The following ATXN2 variants were observed in gnomAD, a reference collection of about 807,000 sequenced individuals.
The protein encoded by ATXN2 is ataxin-2.
Under a neutral mutation model 138.6 loss-of-function variants are expected in ATXN2, and 37 were observed. That is an observed-to-expected ratio of 0.27 (90% CI 0.21 to 0.35). The LOEUF (loss-of-function observed/expected upper bound fraction) is 0.35. Ranked by LOEUF, ATXN2 falls within the 10% of genes least tolerant of loss-of-function variation. The pLI is 1.00. For synonymous variants in ATXN2, 549 were observed against 543.7 expected (o/e 1.01, Z -0.13); for missense variants, 1,216 against 1,480.3 (o/e 0.82, Z 2.93).
intron 1 of ATXN2, among the ~76,000 whole-genome samples, chr12:111,574,735 TTTC>T (rs1334843634): frequency 1.3e-5 from 2 of 152,142 alleles, no homozygotes; most frequent in African/African-American, 4.8e-5. Flanking sequence ...AATTCCTCAT[TTTC>T]TTTTCCGTTT....
chr12:111,551,036 T>G (rs922277740), intron 5 of ATXN2, among the ~76,000 whole-genome samples: 2 of 152,176 alleles, frequency 1.3e-5, no homozygotes, highest in East Asian at 1.9e-4. Context: ...CAGTGGCTCA[T>G]GCCTGTAATT....
chr12:111,505,106 C>T (rs1432599038), intron 14 of ATXN2, among the ~76,000 whole-genome samples: 1 of 152,068 alleles, frequency 6.6e-6, no homozygotes, highest in Non-Finnish European at 1.5e-5. Flanking sequence ...TGGTGCACAC[C>T]TGTAGTACCA....
intron 5 of ATXN2, among the ~76,000 whole-genome samples, chr12:111,531,348 G>C (rs1413617316): frequency 1.3e-5 from 2 of 152,154 alleles, no homozygotes; most frequent in Non-Finnish European, 2.9e-5. Flanking sequence ...TGAATTGCTT[G>C]AACTACTAGG....
At chr12:111,561,117 G>A (rs1251469809) in intron 1 of ATXN2, among the ~76,000 whole-genome samples, 12 of 151,942 alleles carry the variant, frequency 7.9e-5, no homozygotes, top group Admixed American at 5.2e-4. Flanking sequence ...CTTGGGAGGC[G>A]GAGCTTGCAG....
chr12:111,588,645 T>G (rs536077887), intron 1 of ATXN2, among the ~76,000 whole-genome samples: 53 of 143,056 alleles, frequency 3.7e-4, no homozygotes, highest in African/African-American at 1.2e-3. Context: ...AAAAAAAAAG[T>G]TAAGGTTAAC....
At chr12:111,465,416 G>A (rs2030190977) in intron 20 of ATXN2, among the ~76,000 whole-genome samples, 1 of 151,822 alleles carries the variant, frequency 6.6e-6, no homozygotes, top group Non-Finnish European at 1.5e-5. Context: ...CGGAAAAGTT[G>A]TATTATTACT....
intron 23 of ATXN2, chr12:111,455,399 C>T: frequency 1.2e-5 from 5 of 411,682 alleles, no homozygotes; most frequent in Admixed American, 3.7e-5. Context: ...GCAGCTTACA[C>T]TGGAGGTGAG....
chr12:111,599,401 G>C (rs1259513091), upstream of ATXN2: 67 of 1,168,666 alleles, frequency 5.7e-5, no homozygotes, highest in Middle Eastern at 3.5e-4. Context: ...CGCCCCGCCC[G>C]CTCCGCCGCG....
chr12:111,595,192 A>C (rs1412171667), intron 1 of ATXN2, among the ~76,000 whole-genome samples: 2 of 152,208 alleles, frequency 1.3e-5, no homozygotes, highest in Non-Finnish European at 2.9e-5. Context: ...AAGAGCCATA[A>C]AAATCCTGAA....
chr12:111,576,949 C>T (rs541755056), intron 1 of ATXN2, among the ~76,000 whole-genome samples: 2 of 151,874 alleles, frequency 1.3e-5, no homozygotes, highest in Non-Finnish European at 2.9e-5. Flanking sequence ...CAGAGCGAGA[C>T]TCCGTCTCCA....
chr12:111,487,385 C>T (rs1877714648), intron 15 of ATXN2, among the ~76,000 whole-genome samples: 2 of 152,080 alleles, frequency 1.3e-5, no homozygotes, highest in Non-Finnish European at 2.9e-5. Context: ...TCAACAAACA[C>T]TTGAGCTGAA....
intron 5 of ATXN2, among the ~76,000 whole-genome samples, chr12:111,540,200 A>C (rs966956675): frequency 6.6e-6 from 1 of 150,478 alleles, no homozygotes; most frequent in African/African-American, 2.4e-5. Flanking sequence ...ACTAGTTTTA[A>C]TATATCTGCA....
At chr12:111,539,761 T>G (rs1030873317) in intron 5 of ATXN2, among the ~76,000 whole-genome samples, 8 of 147,046 alleles carry the variant, frequency 5.4e-5, no homozygotes, top group Non-Finnish European at 7.6e-5. Flanking sequence ...AAATAAAAAA[T>G]AAAAATAAAA....
At position 111,581,830 on chromosome 12, in the gene ATXN2, T is replaced by C. The variant is rs549443992; in HGVS notation, c.251+16954A>G. The C allele has an allele frequency of 1.7e-4, 68 of 395,670 alleles. 1 individual carries two copies. Among genetic ancestry groups the C allele is most frequent in the Admixed American group, 5.0e-4 (14 of 27,742 alleles). 24.5% of individuals were successfully genotyped at this position (395,670 alleles called of 1,614,324 possible). A position where few individuals can be genotyped will look rare whatever the true frequency, so the allele number is the denominator to read the frequency against. ...AGCTCTGCCCGTGATCTGATTCCCA[T>C]GTACTCCATCCACCCTCCATTCCTC... On this transcript the variant is annotated intron_variant, in intron 1 of 24. Transcript: ENST00000673436.
At chr12:111,544,883 A>C (rs11065945) in intron 5 of ATXN2, among the ~76,000 whole-genome samples, 3 of 152,202 alleles carry the variant, frequency 2.0e-5, no homozygotes, top group African/African-American at 7.2e-5. Flanking sequence ...TTTTGGGCCC[A>C]GTGCGGTGGC....
rs745560171 is a variant in ATXN2, at chr12:111,553,604, A to ATTTTTTTTT, written c.348+545_348+553dup. Among the ~76,000 whole-genome samples the ATTTTTTTTT allele has an allele frequency of 7.5e-3, 634 of 84,978 alleles. 56 individuals carry two copies. Among genetic ancestry groups the ATTTTTTTTT allele is most frequent in the South Asian group, 0.041 (64 of 1,564 alleles). The allele number at this position is 84,978 out of a possible 152,430, so 55.7% of individuals were successfully genotyped here. A position where few individuals can be genotyped will look rare whatever the true frequency, so the allele number is the denominator to read the frequency against. ...AAAAAAAAAAAAAAAAAAAAAAAAA[A>ATTTTTTTTT]TTTTTTTTTTTGAGAAGGGGTCTGT... On this transcript the variant is annotated intron_variant, in intron 3 of 24. Transcript: ENST00000673436.
chr12:111,543,944 G>A (rs1218684832), intron 5 of ATXN2, among the ~76,000 whole-genome samples: 9 of 152,098 alleles, frequency 5.9e-5, no homozygotes, highest in African/African-American at 1.9e-4. Context: ...CGGGCATAGC[G>A]GCGTGCACCT....
chr12:111,564,485 GA>G (rs34034056), intron 1 of ATXN2, among the ~76,000 whole-genome samples: 30,561 of 135,464 alleles, frequency 0.23, 3,137 homozygotes, highest in East Asian at 0.36. Flanking sequence ...AGGGGAAATG[GA>G]AAAAAAAAAA....
chr12:111,549,248 C>G (rs1332450134), intron 5 of ATXN2, among the ~76,000 whole-genome samples: 2 of 151,972 alleles, frequency 1.3e-5, no homozygotes, highest in African/African-American at 4.8e-5. Flanking sequence ...TGGGAGTAAT[C>G]TGAGTAAGTC....
Sources: gnomAD v4.1 joint callset for allele counts (sites outside exome capture counted in the v4.1 genomes callset) on GRCh38, gnomAD v4.1.1 for gene constraint, MANE v1.5 for transcripts, NCBI Gene and HGNC (gene_info 2026-07-23, HGNC 2026-07-21) for gene names.